Variants in E2F4 observed in about 807,000 individuals in gnomAD.
The protein encoded by E2F4 is E2F transcription factor 4.
In E2F4, 16 loss-of-function variants were observed where a neutral mutation model predicts 44.5. The observed-to-expected ratio is 0.36, with a 90% CI of 0.24 to 0.55. The LOEUF is 0.55. Among genes scored for constraint, E2F4 ranks in the 20% least tolerant of loss-of-function variants. The probability of loss-of-function intolerance (pLI) is 0.87; values close to 1 mark genes in which losing one functional copy is unlikely to be tolerated. For missense variants in E2F4, 473 were observed against 522.1 expected (o/e 0.91, Z 0.92); for synonymous variants, 242 against 207.2 (o/e 1.17, Z -1.44).
intron 6 of E2F4, 147 bp from the exon 7 acceptor site, chr16:67,195,635 C>T: frequency 6.8e-7 from 1 of 1,479,126 alleles, no homozygotes; most frequent in Non-Finnish European, 9.0e-7. Flanking sequence ...TTTCAGGTTA[C>T]TTCCTCTGGG....
rs575614504 is a variant in E2F4 at position 67,195,908 on chromosome 16, G to A, written c.935G>A (p.Ser312Asn). ...SALLDSSSSS[S>N]SSSSSSSNSN... ...CTGCTGGACAGCAGCAGCAGCAGCAGCAGCAGCAGCAGCAGCAGCAGCAAC... is the reference window on the plus strand; with the variant it reads ...CTGCTGGACAGCAGCAGCAGCAGCAACAGCAGCAGCAGCAGCAGCAGCAAC... The change falls in exon 7 of 10, where the codon AGC (serine) becomes AAC (asparagine). Residue 312 changes from serine to asparagine, a missense_variant. This residue lies in a region of E2F4 where 314 missense variants were observed against 315.6 expected (regional missense o/e 0.99). Coordinates refer to ENST00000379378, the MANE Select transcript of E2F4 (RefSeq NM_001950.4). The A allele has an allele frequency of 2.5e-6, 4 of 1,598,456 alleles. No individual in the cohort carries two copies. The highest frequency in any genetic ancestry group is 3.3e-4 in the Middle Eastern group (2 of 6,064).
rs768489916 is a variant in E2F4 at position 67,194,737 on chromosome 16, C to T, written c.565C>T (p.Pro189Ser). ...YQIHLKSVSG[P>S]IEVLLVNKEA... Reference sequence around the variant, plus strand: ...GATTCACCTGAAGAGTGTGAGTGGTCCCATTGAGGTTCTGCTGGTGAACAA... The same window carrying T: ...GATTCACCTGAAGAGTGTGAGTGGTTCCATTGAGGTTCTGCTGGTGAACAA... The change falls in exon 6 of 10, where the codon CCC becomes TCC. Residue 189 changes from proline to serine, a missense_variant. Around this residue, in one of 3 missense-constraint regions of E2F4, gnomAD observed 314 missense variants for 315.6 expected, o/e 0.99. Transcript: ENST00000379378. The T allele has an allele frequency of 6.2e-7, 1 of 1,614,182 alleles. No homozygotes were observed. The highest frequency in any genetic ancestry group is 1.1e-5 in the South Asian group (1 of 91,078).
chr16:67,196,659 T>C (rs1211480160), intron 7 of E2F4, among the ~76,000 whole-genome samples: 1 of 152,160 alleles, frequency 6.6e-6, no homozygotes, highest in Non-Finnish European at 1.5e-5. Flanking sequence ...CCTAGATCTT[T>C]TCCCAATCTG....
rs983157573 is a variant in E2F4 at position 67,195,984 on chromosome 16, C to T, written c.1011C>T (p.Pro337=). The T allele has an allele frequency of 1.1e-5, 17 of 1,614,062 alleles. No homozygotes were observed. Among genetic ancestry groups the T allele is most frequent in the Non-Finnish European group, 1.4e-5 (16 of 1,180,020 alleles). Residue 337 remains proline (P), a synonymous_variant, in exon 7 of 10, where the codon CCC becomes CCT. Coordinates refer to ENST00000379378, the MANE Select transcript of E2F4 (RefSeq NM_001950.4). ...SGPNPSTSFE[P]IKADPTGVLE... is the part of the protein sequence containing the mutation. ...CCAACCCTTCTACCTCCTTTGAGCC[C>T]ATCAAGGCAGACCCCACAGGTGGTG...
intron 8 of E2F4, 41 bp downstream of exon 8, chr16:67,197,687 C>T (rs766332943): frequency 3.1e-6 from 5 of 1,610,798 alleles, no homozygotes; most frequent in Non-Finnish European, 4.2e-6. Flanking sequence ...GGGTAAGGGA[C>T]ACAGCTCATT....
At position 67,198,144 on chromosome 16, in the gene E2F4, G is replaced by A; in HGVS notation, c.*21G>A. ...TCTGACTGACAGGGACATGCCCTGT[G>A]TGGCTGGGACCCAGACTGTCTGACC... On this transcript the variant is annotated 3_prime_UTR_variant, in exon 10 of 10. Coordinates refer to ENST00000379378, the MANE Select transcript of E2F4 (RefSeq NM_001950.4). The A allele has an allele frequency of 6.2e-7, 1 of 1,600,700 alleles. No homozygotes were observed. Among genetic ancestry groups the A allele is most frequent in the Non-Finnish European group, 8.6e-7 (1 of 1,168,828 alleles).
At chr16:67,193,338 TC>T in intron 3 of E2F4, 133 bp from the exon 4 acceptor site, 1 of 1,484,470 alleles carries the variant, frequency 6.7e-7, no homozygotes, top group Non-Finnish European at 9.4e-7. Flanking sequence ...CTGTGATCCC[TC>T]CCCCGGTGGA....
At chr16:67,193,320 C>T in intron 3 of E2F4, 150 bp downstream of exon 3, 1 of 1,493,144 alleles carries the variant, frequency 6.7e-7, no homozygotes, top group Non-Finnish European at 9.3e-7. Flanking sequence ...TCCCCTTCCA[C>T]TCTTAGCCTG....
chr16:67,192,621 A>G (rs1239473472), intron 1 of E2F4, 140 bp from the exon 2 acceptor site: 3 of 952,794 alleles, frequency 3.1e-6, no homozygotes, highest in African/African-American at 3.3e-5. Flanking sequence ...TATGGGACAG[A>G]GCTGCGGTCC....
intron 7 of E2F4, 81 bp from the exon 8 acceptor site, chr16:67,197,518 A>C: frequency 5.7e-6 from 8 of 1,409,956 alleles, no homozygotes; most frequent in Non-Finnish European, 8.0e-6. Flanking sequence ...GGTGGGTGGT[A>C]TAGGATCCGA....
In E2F4 at chr16:67,192,335, C is replaced by A; in HGVS notation, c.108C>A (p.Ala36=). 7.0e-7 allele frequency: 1 copy of A among 1,427,944 alleles called. No homozygotes were observed. The highest frequency in any genetic ancestry group is 9.2e-7 in the Non-Finnish European group (1 of 1,088,936). The allele number at this position is 1,427,944 out of a possible 1,614,324, so 88.5% of individuals were successfully genotyped here. A position where few individuals can be genotyped will look rare whatever the true frequency, so the allele number is the denominator to read the frequency against. ...TTKFVSLLQE[A]KDGVLDLKLA... ...AGTTCGTGTCCCTTCTGCAGGAGGC[C>A]AAGGACGGCGTGCTTGACCTCAAGC... The change falls in exon 1 of 10, where the codon GCC becomes GCA. Residue 36 remains alanine, a synonymous_variant. Transcript: ENST00000379378.
chr16:67,192,820 G>A lies in E2F4; in HGVS notation c.195G>A (p.Leu65=), dbSNP rs1448823361. 1.2e-6 allele frequency: 2 copies of A among 1,612,876 alleles called. No individual in the cohort carries two copies. Among genetic ancestry groups the A allele is most frequent in the African/African-American group, 2.7e-5 (2 of 74,912 alleles). Residue 65 remains leucine (L), a synonymous_variant, in exon 2 of 10, where the codon TTG becomes TTA. Coordinates refer to ENST00000379378, the MANE Select transcript of E2F4 (RefSeq NM_001950.4). ...KRRIYDITNV[L]EGIGLIEKKS... is the part of the protein sequence containing the mutation. ...GGATTTACGACATTACCAATGTTTT[G>A]GAAGGTATCGGGCTAATCGAGAAAA... is the stretch of plus-strand genomic sequence containing the variant.
intron 3 of E2F4, 91 bp from the exon 4 acceptor site, chr16:67,193,381 G>C: frequency 1.9e-6 from 3 of 1,553,618 alleles, no homozygotes; most frequent in South Asian, 2.2e-5. Context: ...CTGAGGGCCT[G>C]TGTGTCAGAC....
In E2F4 at chr16:67,197,988, G is replaced by A. The variant is rs370809783; in HGVS notation, c.1127-20G>A. 10 of 1,613,978 alleles carry A rather than the reference G, an allele frequency of 6.2e-6. 1 individual carries two copies. In the African/African-American group the frequency reaches 1.2e-4, roughly 19 times the overall value. On this transcript the variant is annotated intron_variant, in intron 9 of 9. Coordinates refer to ENST00000379378, the MANE Select transcript of E2F4 (RefSeq NM_001950.4). ...CTAGGGGAGCCCTGGCCCAGGGCCT[G>A]AGACTAGTGCTCTCTGCAGTGTTTG...
chr16:67,192,216 C>A lies in E2F4; in HGVS notation c.-12C>A. On this transcript the variant is annotated 5_prime_UTR_variant, in exon 1 of 10. Coordinates refer to ENST00000379378, the MANE Select transcript of E2F4 (RefSeq NM_001950.4). ...GCCTGGCCTGGCTGAGGGGAGGCGGCGGGCGGGCGCGATGGCGGAGGCCGG... is the reference window on the plus strand; with the variant it reads ...GCCTGGCCTGGCTGAGGGGAGGCGGAGGGCGGGCGCGATGGCGGAGGCCGG... 1 of 1,062,894 alleles carries A rather than the reference C, an allele frequency of 9.4e-7. No individual in the cohort carries two copies. Among genetic ancestry groups the A allele is most frequent in the Non-Finnish European group, 1.1e-6 (1 of 875,576 alleles). The allele number at this position is 1,062,894 out of a possible 1,614,324, so 65.8% of individuals were successfully genotyped here.
intron 8 of E2F4, 60 bp downstream of exon 8, chr16:67,197,706 T>C: frequency 1.2e-6 from 2 of 1,605,204 alleles, no homozygotes. Context: ...TTGGGTCCTA[T>C]GGCTGTTTTC....
At position 67,195,923 on chromosome 16, in the gene E2F4, GCAGCAGCAACAGTAA is replaced by G. The variant is rs2032961296; in HGVS notation, c.959_973del (p.Asn320_Ser324del). The G allele has an allele frequency of 1.9e-6, 3 of 1,612,306 alleles. No homozygotes were observed. The highest frequency in any genetic ancestry group is 2.5e-6 in the Non-Finnish European group (3 of 1,179,258). Reference sequence around the variant, plus strand: ...AGCAGCAGCAGCAGCAGCAGCAGCAGCAGCAGCAACAGTAACAGCAGCAGTTCGTCCGGACCCAAC... The same window carrying G: ...AGCAGCAGCAGCAGCAGCAGCAGCAGCAGCAGCAGTTCGTCCGGACCCAAC... On this transcript the variant is annotated inframe_deletion, in exon 7 of 10. Transcript: ENST00000379378.
chr16:67,193,653 A>G (rs2032923647), intron 4 of E2F4, 138 bp downstream of exon 4: 4 of 940,544 alleles, frequency 4.3e-6, no homozygotes, highest in East Asian at 2.5e-5. Context: ...AGGCAGGGTA[A>G]GTCTTCTGTC....
rs758360873 is a variant in E2F4, at chr16:67,198,327, G to T, written c.*204G>T. ...TCGCAGAGCAGGGGAACAGGACTCA[G>T]CCCCCATCACCGTGGAGCCAAAGTG... On this transcript the variant is annotated 3_prime_UTR_variant, in exon 10 of 10. Transcript: ENST00000379378. 82 of 582,388 alleles carry T rather than the reference G, an allele frequency of 1.4e-4. 1 individual carries two copies. The highest frequency in any genetic ancestry group is 2.3e-4 in the Non-Finnish European group (76 of 325,612). 36.1% of individuals were successfully genotyped at this position (582,388 alleles called of 1,614,324 possible). A position where few individuals can be genotyped will look rare whatever the true frequency, so the allele number is the denominator to read the frequency against.
Sources: allele counts gnomAD v4.1 joint callset (sites outside exome capture counted in the v4.1 genomes callset), GRCh38; gene constraint gnomAD v4.1.1; regional missense constraint gnomAD v4.1.1; transcripts MANE v1.5; gene names NCBI Gene and HGNC (gene_info 2026-07-23, HGNC 2026-07-21).